KATNIP: variants seen among roughly 807,000 people sequenced by gnomAD.
The protein encoded by KATNIP is katanin-interacting protein.
A neutral mutation model predicts 174.0 loss-of-function variants in KATNIP; 126 were observed. That is an observed-to-expected ratio of 0.72 (90% CI 0.63 to 0.84). The LOEUF (loss-of-function observed/expected upper bound fraction) is 0.84, where lower values mean the gene tolerates loss of function less well. Ranked by LOEUF, KATNIP falls within the 40% of genes least tolerant of loss-of-function variation. KATNIP has a pLI of 0.00. For synonymous variants in KATNIP, 810 were observed against 835.7 expected, an observed-to-expected ratio of 0.97 and a Z score of 0.53; for missense variants, 1,958 against 2,109.7, an observed-to-expected ratio of 0.93 and a Z score of 1.41.
At chr16:27,659,403 G>A (rs1229990543) in intron 6 of KATNIP, among the ~76,000 whole-genome samples, 5 of 151,748 alleles carry the variant, frequency 3.3e-5, no homozygotes, top group African/African-American at 9.7e-5. Context: ...CCAGCTGCTC[G>A]GGAGGCTGAG....
chr16:27,570,158 G>T (rs2090235081), intron 1 of KATNIP, among the ~76,000 whole-genome samples: 1 of 152,164 alleles, frequency 6.6e-6, no homozygotes, highest in South Asian at 2.1e-4. Flanking sequence ...TAAGAGTGAG[G>T]TCTGGTAATA....
intron 6 of KATNIP, among the ~76,000 whole-genome samples, chr16:27,650,703 C>T (rs1313362760): frequency 6.6e-6 from 1 of 152,148 alleles, no homozygotes; most frequent in African/African-American, 2.4e-5. Context: ...AAAGGAAAGA[C>T]AGATAAAGAG....
At chr16:27,744,381 A>C (rs1475333127) in intron 15 of KATNIP, among the ~76,000 whole-genome samples, 1 of 152,148 alleles carries the variant, frequency 6.6e-6, no homozygotes, top group Non-Finnish European at 1.5e-5. Context: ...TAAAAAAAAT[A>C]GCTGGGTGTG....
intron 6 of KATNIP, among the ~76,000 whole-genome samples, chr16:27,663,810 A>G (rs1381903366): frequency 6.8e-6 from 1 of 148,064 alleles, no homozygotes; most frequent in Non-Finnish European, 1.5e-5. Context: ...TTCCCCTCCT[A>G]TATGTTTATT....
At chr16:27,555,998 G>T (rs1415268397) in intron 1 of KATNIP, among the ~76,000 whole-genome samples, 1 of 151,538 alleles carries the variant, frequency 6.6e-6, no homozygotes, top group Non-Finnish European at 1.5e-5. Context: ...TGTGGTGGCG[G>T]GTGCCTGTAA....
In KATNIP at chr16:27,648,646, A is replaced by G. The variant is rs1247626011; in HGVS notation, c.451A>G (p.Ile151Val). ...AACAGAAGCTGGCCCACGGCTCCAC[A>G]TCGAACCTCCTGTGGACTATTCTGA... is the stretch of plus-strand genomic sequence containing the variant. ...IRTEAGPRLH[I>V]EPPVDYSDDF... is the part of the protein sequence containing the mutation. The change falls in exon 6 of 28, where the codon ATC becomes GTC. Residue 151 changes from isoleucine to valine, a missense_variant. This residue lies in a region of KATNIP where 1,557 missense variants were observed against 1,617.8 expected (regional missense o/e 0.96). Coordinates refer to ENST00000261588, the MANE Select transcript of KATNIP (RefSeq NM_015202.5). The G allele has an allele frequency of 3.7e-6, 6 of 1,614,096 alleles. No homozygotes were observed. The highest frequency in any genetic ancestry group is 3.3e-5 in the South Asian group (3 of 91,094).
chr16:27,708,750 G>C lies in KATNIP; in HGVS notation c.1435G>C (p.Val479Leu). 6.2e-7 allele frequency: 1 copy of C among 1,613,778 alleles called. No individual in the cohort carries two copies. Among genetic ancestry groups the C allele is most frequent in the Non-Finnish European group, 8.5e-7 (1 of 1,179,990 alleles). ...AGACGAGATCAAAGATGCCATCTAC[G>C]TGACCATGGAGATCCTGTCCAACTG... is the stretch of plus-strand genomic sequence containing the variant. ...RADEIKDAIY[V>L]TMEILSNWGN... Residue 479 changes from valine (V) to leucine (L), a missense_variant, in exon 13 of 28, where the codon GTG becomes CTG. By Grantham distance (32) the Val-to-Leu change is conservative (BLOSUM62 1). Around this residue, in one of 3 missense-constraint regions of KATNIP, gnomAD observed 1,557 missense variants for 1,617.8 expected, o/e 0.96. Transcript: ENST00000261588.
At position 27,777,384 on chromosome 16, in the gene KATNIP, G is replaced by A. The variant is rs529262254; in HGVS notation, c.4552-226G>A. ...TGTGCTAATGGTATTAAAGCCCCTC[G>A]GGCCTCAATTTCCTCATCTGCAATG... On this transcript the variant is annotated intron_variant, in intron 25 of 27. Coordinates refer to ENST00000261588, the MANE Select transcript of KATNIP (RefSeq NM_015202.5). This position sits in a 1 kb window ranked among gnomAD's most constrained non-coding sequence, Gnocchi z 4.4. 1.3e-5 allele frequency among the ~76,000 whole-genome samples: 2 copies of A among 152,142 alleles called. No individual in the cohort carries two copies. The highest frequency in any genetic ancestry group is 6.5e-5 in the Admixed American group (1 of 15,284).
chr16:27,696,125 C>T (rs1232110539), intron 8 of KATNIP, among the ~76,000 whole-genome samples: 1 of 152,134 alleles, frequency 6.6e-6, no homozygotes, highest in Non-Finnish European at 1.5e-5. Flanking sequence ...TGGGAACTTC[C>T]AGAATCAACT....
intron 2 of KATNIP, among the ~76,000 whole-genome samples, chr16:27,603,872 G>A (rs1350811586): frequency 6.6e-6 from 1 of 151,834 alleles, no homozygotes; most frequent in Non-Finnish European, 1.5e-5. Context: ...GAGTAGCTGG[G>A]ATTATAGGCA....
chr16:27,621,979 C>T (rs2076209863), intron 3 of KATNIP, among the ~76,000 whole-genome samples: 1 of 152,108 alleles, frequency 6.6e-6, no homozygotes, highest in African/African-American at 2.4e-5. Flanking sequence ...TACATCCTAA[C>T]TATATACAAG....
intron 2 of KATNIP, among the ~76,000 whole-genome samples, chr16:27,584,213 G>A (rs374433320): frequency 1.3e-5 from 2 of 151,508 alleles, no homozygotes; most frequent in Non-Finnish European, 2.9e-5. Flanking sequence ...TGTCATTTTC[G>A]GAATTCTCTC....
intron 13 of KATNIP, 74 bp from the exon 14 acceptor site, chr16:27,721,484 A>G: frequency 6.3e-7 from 1 of 1,582,320 alleles, no homozygotes; most frequent in Admixed American, 1.7e-5. Flanking sequence ...CGTGAGCCAA[A>G]GAGCCGCTGC....
intron 14 of KATNIP, among the ~76,000 whole-genome samples, chr16:27,723,793 C>T (rs940689785): frequency 1.3e-5 from 2 of 151,760 alleles, no homozygotes; most frequent in Non-Finnish European, 1.5e-5. Context: ...AGGCAGTCCT[C>T]CCTTCCTCCC....
intron 6 of KATNIP, chr16:27,654,832 G>A: frequency 8.3e-7 from 1 of 1,201,866 alleles, no homozygotes. Context: ...CCGTGAGAGA[G>A]TCTAGGAAAA....
intron 1 of KATNIP, among the ~76,000 whole-genome samples, chr16:27,553,068 A>G (rs777205288): frequency 6.6e-6 from 1 of 152,218 alleles, no homozygotes; most frequent in Non-Finnish European, 1.5e-5. Context: ...ATACTGTGTT[A>G]CATTAAAATC....
At position 27,751,864 on chromosome 16, in the gene KATNIP, G is replaced by A. The variant is rs142864286; in HGVS notation, c.3492G>A (p.Thr1164=). The A allele has an allele frequency of 2.2e-4, 355 of 1,613,908 alleles. No homozygotes were observed. The African/African-American group carries it at 3.4e-3, about 15-fold the overall frequency. Reference sequence around the variant, plus strand: ...AAGAGGCAATGAGGAGGCCCAGCACGGCCGACGGCGAGGGGGATGAGCGGC... The same window carrying A: ...AAGAGGCAATGAGGAGGCCCAGCACAGCCGACGGCGAGGGGGATGAGCGGC... ...QDEEAMRRPS[T]ADGEGDERPF... is the part of the protein sequence containing the mutation. Residue 1164 remains threonine, a synonymous_variant, in exon 17 of 28, where the codon ACG becomes ACA. Coordinates refer to ENST00000261588, the MANE Select transcript of KATNIP (RefSeq NM_015202.5).
intron 2 of KATNIP, among the ~76,000 whole-genome samples, chr16:27,592,519 G>C (rs1460409821): frequency 6.6e-6 from 1 of 152,078 alleles, no homozygotes; most frequent in Non-Finnish European, 1.5e-5. Flanking sequence ...TCAGGAAGCT[G>C]AGGTGGGAAG....
At chr16:27,766,587 G>A (rs1279677061) in intron 20 of KATNIP, 113 bp downstream of exon 20, 2 of 1,101,688 alleles carry the variant, frequency 1.8e-6, no homozygotes, top group Non-Finnish European at 2.6e-6. Context: ...TTTTCCAAAC[G>A]GAGCTGGGGG....
Sources: allele counts gnomAD v4.1 joint callset (sites outside exome capture counted in the v4.1 genomes callset), GRCh38; gene constraint gnomAD v4.1.1; regional missense constraint gnomAD v4.1.1; non-coding constraint Gnocchi (gnomAD v3.1); transcripts MANE v1.5; gene names NCBI Gene and HGNC (gene_info 2026-07-23, HGNC 2026-07-21).